The following LMBR1 variants were observed in gnomAD, a reference collection of about 807,000 sequenced individuals.
The protein encoded by LMBR1 is limb region 1 protein homolog.
In LMBR1, 52 loss-of-function variants were observed where a neutral mutation model predicts 73.9. The observed-to-expected ratio is 0.70, with a 90% CI of 0.56 to 0.89. LMBR1 has a LOEUF of 0.89. LMBR1 is among the 40% of genes least tolerant of loss of function. The pLI is 0.00. For synonymous variants in LMBR1, 215 were observed against 209.4 expected, an observed-to-expected ratio of 1.03 and a Z score of -0.23; for missense variants, 539 against 579.8, an observed-to-expected ratio of 0.93 and a Z score of 0.72.
intron 9 of LMBR1, among the ~76,000 whole-genome samples, chr7:156,743,786 C>A (rs905546347): frequency 6.6e-6 from 1 of 152,308 alleles, no homozygotes; most frequent in Admixed American, 6.5e-5. Context: ...ATCAGCATCA[C>A]ACAGTCCTAG....
At chr7:156,856,227 T>C (rs1342161091) in intron 1 of LMBR1, among the ~76,000 whole-genome samples, 1 of 151,798 alleles carries the variant, frequency 6.6e-6, no homozygotes, top group Admixed American at 6.6e-5. Flanking sequence ...GATAGGTAGA[T>C]AGATAGATAG....
chr7:156,860,561 A>G (rs1469988562), intron 1 of LMBR1, among the ~76,000 whole-genome samples: 1 of 152,148 alleles, frequency 6.6e-6, no homozygotes, highest in Non-Finnish European at 1.5e-5. Context: ...TGCCTCCCCA[A>G]CAGTCCCCCA....
Position 156,806,421 on chromosome 7 carries a change from T to C in LMBR1, c.320-9929A>G, listed in dbSNP as rs185590623. Reference sequence around the variant, plus strand: ...CGCATAGAAAATATCATCTGTGAAATAGTTTTACTGTTTCCTTTCCAACTT... The same window carrying C: ...CGCATAGAAAATATCATCTGTGAAACAGTTTTACTGTTTCCTTTCCAACTT... On this transcript the variant is annotated intron_variant, in intron 4 of 16. Coordinates refer to ENST00000353442, the MANE Select transcript of LMBR1 (RefSeq NM_022458.4). 6.7e-4 allele frequency among the ~76,000 whole-genome samples: 102 copies of C among 151,710 alleles called. 1 individual carries two copies. In the Middle Eastern group the frequency reaches 0.02, roughly 30 times the overall value.
At chr7:156,676,211 C>T, downstream of LMBR1, 3 of 1,479,586 alleles carry the variant, frequency 2.0e-6, no homozygotes, top group Non-Finnish European at 2.7e-6. Flanking sequence ...TAACCCTTTC[C>T]ACAGTTCCCA....
chr7:156,748,816 C>G (rs1184350761), intron 9 of LMBR1, among the ~76,000 whole-genome samples: 1 of 152,018 alleles, frequency 6.6e-6, no homozygotes, highest in Non-Finnish European at 1.5e-5. Context: ...TAGAATAACT[C>G]TCTCTATATA....
intron 5 of LMBR1, among the ~76,000 whole-genome samples, chr7:156,783,527 C>A (rs1345696391): frequency 6.6e-6 from 1 of 152,112 alleles, no homozygotes; most frequent in African/African-American, 2.4e-5. Context: ...TCCATAAAGG[C>A]TTTAAATATC....
At chr7:156,723,838 G>C (rs1021960438) in intron 15 of LMBR1, among the ~76,000 whole-genome samples, 1 of 152,062 alleles carries the variant, frequency 6.6e-6, no homozygotes, top group Non-Finnish European at 1.5e-5. Context: ...CTAACTTATA[G>C]ATGTGTCAGT....
At chr7:156,805,229 T>G (rs921404443) in intron 4 of LMBR1, among the ~76,000 whole-genome samples, 6 of 151,020 alleles carry the variant, frequency 4.0e-5, no homozygotes, top group Non-Finnish European at 8.9e-5. Flanking sequence ...TTTTTTTTTT[T>G]TTTTTTGAGA....
intron 8 of LMBR1, among the ~76,000 whole-genome samples, chr7:156,759,365 T>C (rs147555061): frequency 1.3e-5 from 2 of 152,260 alleles, no homozygotes; most frequent in Admixed American, 6.5e-5. Context: ...TACAGCAAAA[T>C]AGAATGGCAG....
intron 8 of LMBR1, among the ~76,000 whole-genome samples, chr7:156,758,010 C>A (rs1302964604): frequency 6.6e-6 from 1 of 152,068 alleles, no homozygotes; most frequent in African/African-American, 2.4e-5. Context: ...AATGACCATC[C>A]TATGAGGAAG....
chr7:156,777,541 G>C (rs1826372663), intron 5 of LMBR1, among the ~76,000 whole-genome samples: 2 of 152,204 alleles, frequency 1.3e-5, no homozygotes, highest in African/African-American at 2.4e-5. Flanking sequence ...GGGCCTGCCA[G>C]TTCCTGAGCA....
At chr7:156,877,600 T>C (rs1261278721) in intron 1 of LMBR1, among the ~76,000 whole-genome samples, 1 of 152,072 alleles carries the variant, frequency 6.6e-6, no homozygotes, top group East Asian at 1.9e-4. Flanking sequence ...CATACGCAAG[T>C]CGGCCGGGCG....
intron 1 of LMBR1, among the ~76,000 whole-genome samples, chr7:156,838,839 T>C (rs1206539928): frequency 2.0e-5 from 3 of 152,210 alleles, no homozygotes; most frequent in African/African-American, 7.2e-5. Flanking sequence ...CCACCAACAA[T>C]GTACAAGGGT....
intron 5 of LMBR1, among the ~76,000 whole-genome samples, chr7:156,789,742 T>A: frequency 6.6e-6 from 1 of 152,224 alleles, no homozygotes; most frequent in Non-Finnish European, 1.5e-5. Context: ...CTTAAGAAGC[T>A]CTCTAGTAGC....
At chr7:156,830,291 C>T (rs1386119861) in intron 3 of LMBR1, among the ~76,000 whole-genome samples, 1 of 152,120 alleles carries the variant, frequency 6.6e-6, no homozygotes, top group Non-Finnish European at 1.5e-5. Context: ...TAAAACTCCA[C>T]TGCAAAATAC....
chr7:156,692,291 G>T (rs1807375023), intron 15 of LMBR1, among the ~76,000 whole-genome samples: 1 of 152,116 alleles, frequency 6.6e-6, no homozygotes, highest in Non-Finnish European at 1.5e-5. Flanking sequence ...TGGCCAGGCT[G>T]GTCTCAAACT....
At chr7:156,707,405 A>T (rs73163996) in intron 15 of LMBR1, among the ~76,000 whole-genome samples, 5,253 of 152,314 alleles carry the variant, frequency 0.034, 138 homozygotes, top group Non-Finnish European at 0.044. Context: ...AATCACTCTG[A>T]TACCCAAACA....
intron 15 of LMBR1, among the ~76,000 whole-genome samples, chr7:156,705,675 C>A (rs986508967): frequency 2.0e-5 from 3 of 152,114 alleles, no homozygotes; most frequent in African/African-American, 7.2e-5. Flanking sequence ...AATTCGTCTC[C>A]ACTATACAGA....
chr7:156,780,467 A>C (rs1826932918), intron 5 of LMBR1, among the ~76,000 whole-genome samples: 1 of 152,212 alleles, frequency 6.6e-6, no homozygotes. Context: ...TTATAAAAAG[A>C]CTATGGTAAC....
Sources: gnomAD v4.1 joint callset for allele counts (sites outside exome capture counted in the v4.1 genomes callset) on GRCh38, gnomAD v4.1.1 for gene constraint, MANE v1.5 for transcripts, NCBI Gene and HGNC (gene_info 2026-07-23, HGNC 2026-07-21) for gene names.